Variants in MYL6 observed in about 807,000 individuals in gnomAD.
MYL6 encodes the protein myosin light chain 6.
MYL6 carries 20 observed loss-of-function variants against 20.3 expected under a neutral mutation model. That is an observed-to-expected ratio of 0.98 (90% CI 0.69 to 1.43). MYL6 has a LOEUF of 1.43. MYL6 is among the 40% of genes most tolerant of loss of function. The pLI, the probability that MYL6 is intolerant of heterozygous loss-of-function variation, is 0.00. For synonymous variants in MYL6, 77 were observed against 72.4 expected, an observed-to-expected ratio of 1.06 and a Z score of -0.32; for missense variants, 164 against 191.0, an observed-to-expected ratio of 0.86 and a Z score of 0.83.
Position 56,161,519 on chromosome 12 carries a change from G to A in MYL6, c.*149G>A. Reference sequence around the variant, plus strand: ...CTTGTCTCAGCAACTTTCCCATCTTGTCTCTCTTGGATGATGTTTGCCGTC... The same window carrying A: ...CTTGTCTCAGCAACTTTCCCATCTTATCTCTCTTGGATGATGTTTGCCGTC... On this transcript the variant is annotated 3_prime_UTR_variant, in exon 7 of 7. Transcript: ENST00000550697. The A allele has an allele frequency of 2.2e-6, 3 of 1,378,340 alleles. No individual in the cohort carries two copies. The highest frequency in any genetic ancestry group is 2.3e-5 in the South Asian group (2 of 86,384). 85.4% of individuals were successfully genotyped at this position (1,378,340 alleles called of 1,614,324 possible).
chr12:56,160,455 C>A, intron 5 of MYL6, 135 bp downstream of exon 5: 1 of 1,451,850 alleles, frequency 6.9e-7, no homozygotes, highest in Non-Finnish European at 9.6e-7. Flanking sequence ...CCTGCCCAGC[C>A]CAGCCCAGGA....
Position 56,160,013 on chromosome 12 carries a change from C to T in MYL6, c.214C>T (p.Pro72Ser). 1 of 1,613,910 alleles carries T rather than the reference C, an allele frequency of 6.2e-7. No individual in the cohort carries two copies. The highest frequency in any genetic ancestry group is 8.5e-7 in the Non-Finnish European group (1 of 1,179,940). ...VKVLDFEHFL[P>S]MLQTVAKNKD... ...GGTGCTGGACTTTGAGCACTTTCTG[C>T]CCATGCTGCAGACAGTGGCCAAGAA... Residue 72 changes from proline (P) to serine (S), a missense_variant, in exon 4 of 7, where the codon CCC becomes TCC. Physicochemically the swap from Pro to Ser is moderately conservative, Grantham distance 74. Transcript: ENST00000550697.
chr12:56,158,748 G>C, intron 2 of MYL6, 37 bp downstream of exon 2: 1 of 1,612,914 alleles, frequency 6.2e-7, no homozygotes, highest in Non-Finnish European at 8.5e-7. Flanking sequence ...GTCACCCTTA[G>C]GGAGAGGGAC....
Position 56,160,647 on chromosome 12 carries a change from C to CGGGGTGACGGGCCCAT in MYL6, c.454_*13dup. ...GCAGCGTTTGTGAGGCATATCCTGTCGGGGTGACGGGCCCATGGGGCGGGT... is the reference window on the plus strand; with the variant it reads ...GCAGCGTTTGTGAGGCATATCCTGTCGGGGTGACGGGCCCATGGGGTGACGGGCCCATGGGGCGGGT... On this transcript the variant is annotated stop_gained and frameshift_variant, in exon 6 of 7. Transcript: ENST00000550697. LOFTEE classifies it high-confidence loss of function. 6.2e-7 allele frequency: 1 copy of CGGGGTGACGGGCCCAT among 1,614,150 alleles called. No individual in the cohort carries two copies. The highest frequency in any genetic ancestry group is 8.5e-7 in the Non-Finnish European group (1 of 1,180,000).
intron 3 of MYL6, 85 bp downstream of exon 3, chr12:56,159,815 C>T (rs1184544381): frequency 6.5e-7 from 1 of 1,543,826 alleles, no homozygotes; most frequent in Non-Finnish European, 8.7e-7. Context: ...TTCATAGGCC[C>T]CAAACTCAAG....
Position 56,161,579 on chromosome 12 carries a change from C to A in MYL6, c.*209C>A. 1 of 826,560 alleles carries A rather than the reference C, an allele frequency of 1.2e-6. No individual in the cohort carries two copies. The highest frequency in any genetic ancestry group is 1.4e-5 in the South Asian group (1 of 69,052). The allele number at this position is 826,560 out of a possible 1,614,324, so 51.2% of individuals were successfully genotyped here. Reference sequence around the variant, plus strand: ...CAAATAAACTTGCTCTCTGGGCCCTCGGTTCGGTTCTTTCTTTCCTGAACA... The same window carrying A: ...CAAATAAACTTGCTCTCTGGGCCCTAGGTTCGGTTCTTTCTTTCCTGAACA... On this transcript the variant is annotated 3_prime_UTR_variant, in exon 7 of 7. Transcript: ENST00000550697.
Position 56,159,740 on chromosome 12 carries a change from CT to C in MYL6, c.175+11del. 1 of 1,612,514 alleles carries C rather than the reference CT, an allele frequency of 6.2e-7. No homozygotes were observed. Among genetic ancestry groups the C allele is most frequent in the East Asian group, 2.2e-5 (1 of 44,852 alleles). On this transcript the variant is annotated intron_variant, in intron 3 of 6. Coordinates refer to ENST00000550697, the MANE Select transcript of MYL6 (RefSeq NM_021019.5). ...AACCCCAAGAGTGATGGTGAGGGGC[CT>C]AAAGAACAACTCCTCAGTGTGGTCA... is the stretch of plus-strand genomic sequence containing the variant.
rs370697891 is a variant in MYL6, at chr12:56,160,340, T to C, written c.427+20T>C. 3 of 1,613,886 alleles carry C rather than the reference T, an allele frequency of 1.9e-6. No individual in the cohort carries two copies. The highest frequency in any genetic ancestry group is 2.7e-5 in the African/African-American group (2 of 74,918). Reference sequence around the variant, plus strand: ...ATGAAGGTAAGAGGTGAACTGCGCTTTCTCAGAGAAAGCAGCCATATGGGG... The same window carrying C: ...ATGAAGGTAAGAGGTGAACTGCGCTCTCTCAGAGAAAGCAGCCATATGGGG... On this transcript the variant is annotated intron_variant, in intron 5 of 6. Transcript: ENST00000550697.
intron 4 of MYL6, 30 bp downstream of exon 4, chr12:56,160,178 G>A: frequency 1.9e-6 from 3 of 1,613,776 alleles, no homozygotes; most frequent in Non-Finnish European, 2.5e-6. Context: ...TCCTTGAGCT[G>A]AGATGGCACC....
Position 56,160,050 on chromosome 12 carries a change from G to A in MYL6, c.251G>A (p.Gly84Asp), listed in dbSNP as rs1871633682. The A allele has an allele frequency of 6.2e-7, 1 of 1,614,190 alleles. No individual in the cohort carries two copies. Among genetic ancestry groups the A allele is most frequent in the East Asian group, 2.2e-5 (1 of 44,884 alleles). ...LQTVAKNKDQ[G>D]TYEDYVEGLR... ...ACAGTGGCCAAGAACAAGGACCAGG[G>A]CACCTATGAGGATTATGTCGAAGGA... is the stretch of plus-strand genomic sequence containing the variant. The change falls in exon 4 of 7, where the codon GGC (glycine) becomes GAC (aspartate). Residue 84 changes from glycine (G) to aspartate (D), a missense_variant. Physicochemically the swap from Gly to Asp is moderately conservative, Grantham distance 94. Coordinates refer to ENST00000550697, the MANE Select transcript of MYL6 (RefSeq NM_021019.5).
intron 2 of MYL6, 114 bp from the exon 3 acceptor site, chr12:56,159,473 T>C: frequency 2.2e-6 from 3 of 1,376,406 alleles, no homozygotes; most frequent in Non-Finnish European, 3.0e-6. Flanking sequence ...GTGTACAGTT[T>C]GGTGCAGATA....
At position 56,159,675 on chromosome 12, in the gene MYL6, C is replaced by T. The variant is rs764926534; in HGVS notation, c.120C>T (p.Gly40=). ...GTGGGGATGTGATGAGGGCCCTGGG[C>T]CAGAACCCTACCAACGCCGAGGTGC... ...SQCGDVMRAL[G]QNPTNAEVLK... Residue 40 remains glycine, a synonymous_variant, in exon 3 of 7, where the codon GGC becomes GGT. Transcript: ENST00000550697. 6.2e-7 allele frequency: 1 copy of T among 1,614,118 alleles called. No homozygotes were observed. The highest frequency in any genetic ancestry group is 8.5e-7 in the Non-Finnish European group (1 of 1,180,014).
At chr12:56,160,894 G>C (rs1456310784) in intron 6 of MYL6, 1 of 597,906 alleles carries the variant, frequency 1.7e-6, no homozygotes, top group Non-Finnish European at 3.0e-6. Flanking sequence ...TTTTACTTAT[G>C]CGGCCCTGGG....
chr12:56,160,783 C>A, intron 6 of MYL6, 113 bp downstream of exon 6: 3 of 1,182,880 alleles, frequency 2.5e-6, no homozygotes, highest in Non-Finnish European at 2.4e-6. Context: ...TTCCTCCTGG[C>A]ATGTTTCTGC....
At position 56,161,368 on chromosome 12, in the gene MYL6, C is replaced by A. The variant is rs1275848778; in HGVS notation, c.*17-19C>A. On this transcript the variant is annotated intron_variant, in intron 6 of 6. Coordinates refer to ENST00000550697, the MANE Select transcript of MYL6 (RefSeq NM_021019.5). ...CCACAGCCCTGTTCCCTGGCTCATC[C>A]CACCTTTCCTTTCCACAGAGCTCGT... The A allele has an allele frequency of 6.2e-7, 1 of 1,614,112 alleles. No homozygotes were observed. Among genetic ancestry groups the A allele is most frequent in the Non-Finnish European group, 8.5e-7 (1 of 1,179,974 alleles).
At chr12:56,158,755 G>A (rs370992135) in intron 2 of MYL6, 44 bp downstream of exon 2, 1 of 1,608,416 alleles carries the variant, frequency 6.2e-7, no homozygotes, top group Non-Finnish European at 8.5e-7. Flanking sequence ...TTAGGGAGAG[G>A]GACACCCTCC....
rs368868979 is a variant in MYL6, at chr12:56,160,306, G to C, written c.413G>C (p.Cys138Ser). 9.9e-6 allele frequency: 16 copies of C among 1,614,106 alleles called. No homozygotes were observed. The highest frequency in any genetic ancestry group is 2.2e-5 in the South Asian group (2 of 91,092). The change falls in exon 5 of 7, where the codon TGT becomes TCT. Residue 138 changes from cysteine to serine, a missense_variant. Physicochemically the swap from Cys to Ser is moderately radical, Grantham distance 112. Coordinates refer to ENST00000550697, the MANE Select transcript of MYL6 (RefSeq NM_021019.5). ...GCAGGGCATGAGGACAGCAATGGTT[G>C]TATCAACTATGAAGGTAAGAGGTGA... Reference protein sequence around the residue: ...LVAGHEDSNGCINYEAFVRHI... With the variant: ...LVAGHEDSNGSINYEAFVRHI...
intron 2 of MYL6, 125 bp downstream of exon 2, chr12:56,158,836 T>C: frequency 1.3e-6 from 2 of 1,524,930 alleles, no homozygotes; most frequent in Non-Finnish European, 1.7e-6. Flanking sequence ...CCCTGGATTA[T>C]TTTCTCTTCT....
chr12:56,160,202 C>T (rs544942858), intron 4 of MYL6, 41 bp from the exon 5 acceptor site: 2 of 1,516,290 alleles, frequency 1.3e-6, no homozygotes, highest in East Asian at 2.2e-5. Flanking sequence ...AGGTACCTCA[C>T]TTGTCACCCA....
Sources: gnomAD v4.1 joint callset for allele counts on GRCh38, gnomAD v4.1.1 for gene constraint, MANE v1.5 for transcripts, NCBI Gene and HGNC (gene_info 2026-07-23, HGNC 2026-07-21) for gene names.